Variants in PTPN4 observed in about 807,000 individuals in gnomAD.
PTPN4 encodes protein tyrosine phosphatase non-receptor type 4, also known as tyrosine-protein phosphatase non-receptor type 4.
In PTPN4, 49 loss-of-function variants were observed where a neutral mutation model predicts 135.5. The observed-to-expected ratio is 0.36, with a 90% CI of 0.29 to 0.46. The LOEUF is 0.46. PTPN4 is among the 20% of genes least tolerant of loss of function. The pLI is 1.00. For missense variants in PTPN4, 860 were observed against 1,101.0 expected (o/e 0.78, Z 3.10); for synonymous variants, 333 against 369.9 (o/e 0.90, Z 1.14).
In PTPN4 at chr2:119,899,146, C is replaced by T. The variant is rs952751103; in HGVS notation, c.676-1572C>T. 4.6e-5 allele frequency among the ~76,000 whole-genome samples: 7 copies of T among 152,174 alleles called. No homozygotes were observed. The South Asian group carries it at 1.0e-3, about 23-fold the overall frequency. ...TTCAGTTTGGGGTTCTCCATTCATTCCTTCTGAAGATTACCCTTAATTCTA... is the reference window on the plus strand; with the variant it reads ...TTCAGTTTGGGGTTCTCCATTCATTTCTTCTGAAGATTACCCTTAATTCTA... On this transcript the variant is annotated intron_variant, in intron 9 of 26. Transcript: ENST00000263708.
intron 2 of PTPN4, among the ~76,000 whole-genome samples, chr2:119,842,647 GT>G (rs1300686021): frequency 6.6e-6 from 1 of 151,994 alleles, no homozygotes; most frequent in Admixed American, 6.6e-5. Flanking sequence ...GTTTTGTTTC[GT>G]TTTTTTCTTT....
intron 1 of PTPN4, among the ~76,000 whole-genome samples, chr2:119,774,289 T>TA (rs1346023409): frequency 6.6e-6 from 1 of 152,220 alleles, no homozygotes; most frequent in Non-Finnish European, 1.5e-5. Flanking sequence ...AATGGCTTGA[T>TA]ATGTACCATA....
chr2:119,824,905 C>G (rs1439933018), intron 2 of PTPN4, among the ~76,000 whole-genome samples: 1 of 152,270 alleles, frequency 6.6e-6, no homozygotes, highest in East Asian at 1.9e-4. Context: ...CCAGGCTGGT[C>G]TCAATTTCCT....
intron 1 of PTPN4, among the ~76,000 whole-genome samples, chr2:119,777,403 A>G (rs992330162): frequency 3.3e-5 from 5 of 152,022 alleles, no homozygotes; most frequent in African/African-American, 7.2e-5. Flanking sequence ...ACATTATACT[A>G]TATATATTTT....
rs576401253 is a variant in PTPN4 at position 119,836,612 on chromosome 2, G to A, written c.139-25924G>A. Among the ~76,000 whole-genome samples the A allele has an allele frequency of 2.3e-4, 35 of 152,302 alleles. 3 individuals carry two copies. The highest frequency in any genetic ancestry group is 2.1e-3 in the Admixed American group (32 of 15,300). ...GCAGAGTGGGAAACCTGCCCTTCTG[G>A]GGGCAACTGCAGCTGCCCAGCCACG... is the stretch of plus-strand genomic sequence containing the variant. On this transcript the variant is annotated intron_variant, in intron 2 of 26. Coordinates refer to ENST00000263708, the MANE Select transcript of PTPN4 (RefSeq NM_002830.4).
At chr2:119,811,993 T>G (rs897519139) in intron 2 of PTPN4, among the ~76,000 whole-genome samples, 5 of 152,112 alleles carry the variant, frequency 3.3e-5, no homozygotes, top group Admixed American at 6.6e-5. Context: ...TCTGTGGTGC[T>G]AGAAACTTTC....
chr2:119,822,109 A>G (rs1415889525), intron 2 of PTPN4, among the ~76,000 whole-genome samples: 1 of 152,102 alleles, frequency 6.6e-6, no homozygotes, highest in Non-Finnish European at 1.5e-5. Context: ...TCTTAGAATA[A>G]TTCAGGGGAG....
At chr2:119,793,860 T>TTGTTTG (rs1691201695) in intron 1 of PTPN4, among the ~76,000 whole-genome samples, 7 of 134,604 alleles carry the variant, frequency 5.2e-5, no homozygotes, top group African/African-American at 2.0e-4. Flanking sequence ...TTTTTTTTTT[T>TTGTTTG]TTTTTTTTTT....
At chr2:119,766,455 T>C (rs62167246) in intron 1 of PTPN4, among the ~76,000 whole-genome samples, 90,739 of 133,428 alleles carry the variant, frequency 0.68, 29,522 homozygotes, top group East Asian at 0.74. Flanking sequence ...CGCGCGTGTG[T>C]GTGTGTGTGT....
chr2:119,881,189 A>G (rs956657936), intron 5 of PTPN4, among the ~76,000 whole-genome samples: 1 of 152,208 alleles, frequency 6.6e-6, no homozygotes, highest in East Asian at 1.9e-4. Flanking sequence ...TTGGTTTCAC[A>G]GGAAATTGAA....
intron 10 of PTPN4, among the ~76,000 whole-genome samples, chr2:119,905,369 A>C (rs555080360): frequency 2.6e-5 from 4 of 152,334 alleles, no homozygotes; most frequent in African/African-American, 9.6e-5. Flanking sequence ...TTTGTAAAAA[A>C]CCATAAAAAG....
chr2:119,926,887 G>T (rs1251940171), intron 13 of PTPN4, among the ~76,000 whole-genome samples: 1 of 152,048 alleles, frequency 6.6e-6, no homozygotes, highest in Non-Finnish European at 1.5e-5. Context: ...GCCAGGCATT[G>T]CAGTTCTGAA....
intron 9 of PTPN4, among the ~76,000 whole-genome samples, chr2:119,898,775 T>C (rs1055594068): frequency 6.6e-6 from 1 of 152,222 alleles, no homozygotes; most frequent in Admixed American, 6.5e-5. Context: ...CGTTTTATCT[T>C]ACCCAACTCT....
intron 9 of PTPN4, among the ~76,000 whole-genome samples, chr2:119,893,027 A>T (rs1166937736): frequency 2.0e-5 from 3 of 151,994 alleles, no homozygotes; most frequent in Non-Finnish European, 4.4e-5. Context: ...CCACATCTTT[A>T]TAAAACATTT....
At chr2:119,798,728 A>G (rs186485901) in intron 1 of PTPN4, among the ~76,000 whole-genome samples, 220 of 152,318 alleles carry the variant, frequency 1.4e-3, no homozygotes, top group Non-Finnish European at 2.3e-3. Context: ...TAGACAATTC[A>G]CTTAAGCTTT....
At chr2:119,847,462 G>C (rs1344583155) in intron 2 of PTPN4, among the ~76,000 whole-genome samples, 1 of 151,348 alleles carries the variant, frequency 6.6e-6, no homozygotes, top group Non-Finnish European at 1.5e-5. Flanking sequence ...TGAGTAGCTG[G>C]GATTACAGGC....
intron 1 of PTPN4, among the ~76,000 whole-genome samples, chr2:119,764,178 G>A (rs557852333): frequency 5.3e-5 from 8 of 152,250 alleles, no homozygotes; most frequent in Admixed American, 1.3e-4. Context: ...CACACATAAA[G>A]GATAGTGGAT....
At position 119,981,786 on chromosome 2, in the gene PTPN4, GAT is replaced by G. The variant is rs1279418192; in HGVS notation, c.*4719_*4720del. The G allele has an allele frequency of 1.3e-5, 2 of 152,030 alleles. No homozygotes were observed. The highest frequency in any genetic ancestry group is 4.8e-5 in the African/African-American group (2 of 41,406). The allele number at this position is 152,030 out of a possible 1,614,324, so 9.4% of individuals were successfully genotyped here. A position where few individuals can be genotyped will look rare whatever the true frequency, so the allele number is the denominator to read the frequency against. ...CAATCTCTGTTTCTGCCAGAAGTTA[GAT>G]ATTTTTTTATAGTCCTGATGAATTT... On this transcript the variant is annotated 3_prime_UTR_variant, in exon 27 of 27. Coordinates refer to ENST00000263708, the MANE Select transcript of PTPN4 (RefSeq NM_002830.4).
chr2:119,772,503 C>G (rs1348166437), intron 1 of PTPN4, among the ~76,000 whole-genome samples: 1 of 152,188 alleles, frequency 6.6e-6, no homozygotes, highest in African/African-American at 2.4e-5. Context: ...ATTCCACTTA[C>G]AGTGTACATT....
Sources: allele counts gnomAD v4.1 joint callset (sites outside exome capture counted in the v4.1 genomes callset), GRCh38; gene constraint gnomAD v4.1.1; transcripts MANE v1.5; gene names NCBI Gene and HGNC (gene_info 2026-07-23, HGNC 2026-07-21).